The following CACNA2D3 variants were observed in gnomAD, a reference collection of about 807,000 sequenced individuals.
CACNA2D3 encodes the protein calcium voltage-gated channel auxiliary subunit alpha2delta 3, also known as voltage-dependent calcium channel subunit alpha-2/delta-3.
CACNA2D3 carries 60 observed loss-of-function variants against 160.6 expected under a neutral mutation model. The ratio of observed to expected loss-of-function variants is 0.37; its 90% CI spans 0.30 to 0.46. The LOEUF (loss-of-function observed/expected upper bound fraction) is 0.46, where lower values mean the gene tolerates loss of function less well. Among genes scored for constraint, CACNA2D3 ranks in the 20% least tolerant of loss-of-function variants. CACNA2D3 has a pLI of 1.00. For missense variants in CACNA2D3, 1,205 were observed against 1,365.0 expected, an observed-to-expected ratio of 0.88 and a Z score of 1.85; for synonymous variants, 558 against 492.9, an observed-to-expected ratio of 1.13 and a Z score of -1.75.
At chr3:54,990,876 G>A (rs1352676648) in intron 31 of CACNA2D3, among the ~76,000 whole-genome samples, 1 of 152,198 alleles carries the variant, frequency 6.6e-6, no homozygotes, top group Non-Finnish European at 1.5e-5. Context: ...CAACTTGAAA[G>A]AATTTTGAGA....
In CACNA2D3 at chr3:54,885,556, T is replaced by C. The variant is rs1210290173; in HGVS notation, c.2026T>C (p.Tyr676His). 1 of 1,612,390 alleles carries C rather than the reference T, an allele frequency of 6.2e-7. No individual in the cohort carries two copies. The highest frequency in any genetic ancestry group is 1.1e-5 in the South Asian group (1 of 90,866). Residue 676 changes from tyrosine to histidine, a missense_variant, in exon 23 of 38, where the codon TAC becomes CAC. Around this residue, in one of 3 missense-constraint regions of CACNA2D3, gnomAD observed 911 missense variants for 1,002.2 expected, o/e 0.91. Coordinates refer to ENST00000474759, the MANE Select transcript of CACNA2D3 (RefSeq NM_018398.3). Reference protein sequence around the residue: ...HLSQLEAIKLYLKGKEPLLQC... With the variant: ...HLSQLEAIKLHLKGKEPLLQC... The stretch of plus-strand genomic sequence containing the variant: ...GTCTCAGTTAGAAGCGATTAAGCTC[T>C]ACCTAAAAGGCAAAGAACCTCTGCT...
intron 30 of CACNA2D3, among the ~76,000 whole-genome samples, 159 bp downstream of exon 30, chr3:54,984,829 A>G (rs1395223492): frequency 6.6e-6 from 1 of 152,170 alleles, no homozygotes; most frequent in East Asian, 1.9e-4. Context: ...TAAGAATGCC[A>G]CAGTCTGCTT....
At chr3:54,994,510 C>T (rs1702814138) in intron 31 of CACNA2D3, among the ~76,000 whole-genome samples, 1 of 152,208 alleles carries the variant, frequency 6.6e-6, no homozygotes, top group African/African-American at 2.4e-5. Flanking sequence ...AAGGCAGAGA[C>T]ATGGAGCTTC....
At chr3:54,246,563 GCT>G (rs1702083496) in intron 2 of CACNA2D3, among the ~76,000 whole-genome samples, 1 of 1,972 alleles carries the variant, frequency 5.1e-4, no homozygotes, top group African/African-American at 6.3e-3. Context: ...CGTGGTTGCG[GCT>G]GTCTGTAATC....
intron 3 of CACNA2D3, among the ~76,000 whole-genome samples, chr3:54,341,210 G>A (rs1007928743): frequency 3.3e-5 from 5 of 152,194 alleles, no homozygotes; most frequent in Non-Finnish European, 7.3e-5. Flanking sequence ...AAAGAAGTCC[G>A]GGTGAAAATG....
chr3:54,520,817 A>G (rs943448811), intron 5 of CACNA2D3, among the ~76,000 whole-genome samples: 9 of 152,162 alleles, frequency 5.9e-5, no homozygotes, highest in Admixed American at 5.9e-4. Context: ...TTCTGTCCCT[A>G]TAGATTTACC....
chr3:54,661,200 G>A (rs1029677027), intron 11 of CACNA2D3, among the ~76,000 whole-genome samples: 11 of 152,156 alleles, frequency 7.2e-5, no homozygotes, highest in African/African-American at 2.7e-4. Flanking sequence ...AGCCTGGCTG[G>A]GGGACAAGTG....
At chr3:54,588,540 A>G (rs918946617) in intron 9 of CACNA2D3, among the ~76,000 whole-genome samples, 1 of 152,182 alleles carries the variant, frequency 6.6e-6, no homozygotes, top group African/African-American at 2.4e-5. Flanking sequence ...GATTGTGTAC[A>G]TAGAAAATCT....
intron 2 of CACNA2D3, among the ~76,000 whole-genome samples, chr3:54,306,182 C>G (rs1023337231): frequency 6.6e-6 from 1 of 152,030 alleles, no homozygotes; most frequent in Non-Finnish European, 1.5e-5. Flanking sequence ...CCCCCCAACC[C>G]GAAGCTCCAA....
At chr3:54,381,990 G>A (rs1390815191) in intron 3 of CACNA2D3, among the ~76,000 whole-genome samples, 24 of 152,122 alleles carry the variant, frequency 1.6e-4, no homozygotes. Flanking sequence ...TATTGAGTAA[G>A]GAAAAGCTTT....
At chr3:54,661,291 G>T (rs1699965344) in intron 11 of CACNA2D3, among the ~76,000 whole-genome samples, 1 of 152,128 alleles carries the variant, frequency 6.6e-6, no homozygotes, top group African/African-American at 2.4e-5. Flanking sequence ...AAAGCCCATG[G>T]AAACTTTAGG....
At chr3:54,977,612 G>A (rs1467178) in intron 29 of CACNA2D3, among the ~76,000 whole-genome samples, 25,544 of 152,084 alleles carry the variant, frequency 0.17, 2,341 homozygotes, top group East Asian at 0.29. Context: ...TGCAGCTGTG[G>A]GGATTTGAAT....
intron 13 of CACNA2D3, among the ~76,000 whole-genome samples, chr3:54,769,787 A>G (rs1174756585): frequency 6.6e-6 from 1 of 152,198 alleles, no homozygotes; most frequent in Admixed American, 6.5e-5. Flanking sequence ...TACCATATTC[A>G]TAATAGAACT....
chr3:54,424,865 T>C (rs1419760313), intron 4 of CACNA2D3, among the ~76,000 whole-genome samples: 2 of 152,198 alleles, frequency 1.3e-5, no homozygotes, highest in East Asian at 3.8e-4. Flanking sequence ...TCTGCATACC[T>C]GCATCCCCAA....
At chr3:54,292,922 GC>G (rs1263806220) in intron 2 of CACNA2D3, among the ~76,000 whole-genome samples, 1 of 152,194 alleles carries the variant, frequency 6.6e-6, no homozygotes, top group African/African-American at 2.4e-5. Context: ...GGTGGAAACA[GC>G]CCGAATGTGC....
At chr3:55,000,859 T>TG (rs1336151357) in intron 31 of CACNA2D3, among the ~76,000 whole-genome samples, 1 of 152,132 alleles carries the variant, frequency 6.6e-6, no homozygotes, top group Admixed American at 6.5e-5. Flanking sequence ...GACCCTGGGC[T>TG]GGGGAACAGG....
intron 4 of CACNA2D3, among the ~76,000 whole-genome samples, chr3:54,455,401 A>C (rs189094393): frequency 2.0e-3 from 309 of 152,048 alleles, no homozygotes; most frequent in Non-Finnish European, 3.2e-3. Flanking sequence ...AGAGATGTCC[A>C]CTCAGATCAT....
intron 27 of CACNA2D3, among the ~76,000 whole-genome samples, chr3:54,900,660 G>A (rs914062658): frequency 1.3e-5 from 2 of 152,122 alleles, no homozygotes; most frequent in Non-Finnish European, 2.9e-5. Context: ...GTATTGGCTG[G>A]GTTTACTAAA....
chr3:54,615,715 A>G (rs1698835412), intron 9 of CACNA2D3, among the ~76,000 whole-genome samples: 1 of 152,208 alleles, frequency 6.6e-6, no homozygotes, highest in African/African-American at 2.4e-5. Flanking sequence ...GTTGTGGAAC[A>G]AATTACCCCT....
Sources: allele counts gnomAD v4.1 joint callset (sites outside exome capture counted in the v4.1 genomes callset), GRCh38; gene constraint gnomAD v4.1.1; regional missense constraint gnomAD v4.1.1; transcripts MANE v1.5; gene names NCBI Gene and HGNC (gene_info 2026-07-23, HGNC 2026-07-21).